Variants in ZBP1 observed in about 807,000 individuals in gnomAD.
ZBP1 encodes Z-DNA binding protein 1.
Under a neutral mutation model 41.1 loss-of-function variants are expected in ZBP1, and 42 were observed. That is an observed-to-expected ratio of 1.02 (90% CI 0.80 to 1.32). ZBP1 has a LOEUF of 1.32. Ranked by LOEUF, ZBP1 falls within the 40% of genes most tolerant of loss-of-function variation. The probability of loss-of-function intolerance (pLI) is 0.00; values close to 1 mark genes in which losing one functional copy is unlikely to be tolerated. For synonymous variants in ZBP1, 214 were observed against 205.2 expected (o/e 1.04, Z -0.37); for missense variants, 562 against 549.7 (o/e 1.02, Z -0.22).
chr20:57,615,817 T>A, intron 2 of ZBP1: 1 of 554,086 alleles, frequency 1.8e-6, no homozygotes. Flanking sequence ...GTGTGAGGGC[T>A]GGGTGAACCC....
Position 57,616,382 on chromosome 20 carries a change from G to A in ZBP1, c.121C>T (p.Pro41Ser). The change falls in exon 2 of 8, where the codon CCC (proline) becomes TCC (serine). Residue 41 changes from proline to serine, a missense_variant. Physicochemically the swap from Pro to Ser is moderately conservative, Grantham distance 74. Transcript: ENST00000371173. ...AGGACTTGGTTGAGCTCCCTCTTGGGTGCTTGGCATTCCTTCACCAGCTGG... is the reference window on the plus strand; with the variant it reads ...AGGACTTGGTTGAGCTCCCTCTTGGATGCTTGGCATTCCTTCACCAGCTGG... ...LAQLVKECQA[P>S]KRELNQVLYR... is the part of the protein sequence containing the mutation. The A allele has an allele frequency of 1.2e-6, 2 of 1,614,152 alleles. No individual in the cohort carries two copies. Among genetic ancestry groups the A allele is most frequent in the East Asian group, 2.2e-5 (1 of 44,880 alleles).
intron 2 of ZBP1, 149 bp from the exon 3 acceptor site, chr20:57,615,729 T>C: frequency 1.6e-6 from 1 of 629,096 alleles, no homozygotes; most frequent in Non-Finnish European, 2.6e-6. Context: ...TGACTTCAAA[T>C]CCTGCCTGCG....
chr20:57,615,031 T>G lies in ZBP1; in HGVS notation c.358A>C (p.Asn120His), dbSNP rs372297434. The change falls in exon 4 of 8, where the codon AAT becomes CAT. Residue 120 changes from asparagine to histidine, a missense_variant. Coordinates refer to ENST00000371173, the MANE Select transcript of ZBP1 (RefSeq NM_030776.3). ...EEDIYRFLKD[N>H]GPQRALVIAQ... The stretch of plus-strand genomic sequence containing the variant: ...ATGACCAGGGCCCTCTGGGGACCAT[T>G]GTCTTTGAGAAACCTGTAGATGTCT... 7.4e-6 allele frequency: 12 copies of G among 1,614,202 alleles called. No homozygotes were observed. The highest frequency in any genetic ancestry group is 1.6e-4 in the Middle Eastern group (1 of 6,062).
rs139984961 is a variant in ZBP1, at chr20:57,614,729, C to A, written c.502+158G>T. 4.6e-5 allele frequency among the ~76,000 whole-genome samples: 7 copies of A among 152,330 alleles called. No homozygotes were observed. The East Asian group carries it at 1.2e-3, about 25-fold the overall frequency. On this transcript the variant is annotated intron_variant, in intron 4 of 7. Coordinates refer to ENST00000371173, the MANE Select transcript of ZBP1 (RefSeq NM_030776.3). ...GTCCCTGGTTAATCTTGCCAGCACA[C>A]CCCTTCCTCCTGGAAGCCCTTGCAG...
At position 57,620,272 on chromosome 20, in the gene ZBP1, C is replaced by G. The variant is rs545181109; in HGVS notation, c.24G>C (p.Pro8=). Residue 8 remains proline (P), a synonymous_variant, in exon 1 of 8, where the codon CCG becomes CCC. Transcript: ENST00000371173. ...GAAGAAGTACTGTACCTTCTCTGCC[C>G]GGGTCAGCAGGAGCCTGGGCCATGC... MAQAPAD[P]GREGHLEQRI... 7 of 1,595,752 alleles carry G rather than the reference C, an allele frequency of 4.4e-6. No individual in the cohort carries two copies. In the South Asian group the frequency reaches 5.7e-5, roughly 13 times the overall value.
chr20:57,606,055 A>G (rs1199862400), intron 7 of ZBP1, among the ~76,000 whole-genome samples: 1 of 152,258 alleles, frequency 6.6e-6, no homozygotes, highest in African/African-American at 2.4e-5. Flanking sequence ...TTGGTGAGGG[A>G]GGCATGTCCA....
At chr20:57,614,320 C>T (rs773953814) in intron 4 of ZBP1, among the ~76,000 whole-genome samples, 6 of 152,130 alleles carry the variant, frequency 3.9e-5, no homozygotes, top group East Asian at 1.9e-4. Flanking sequence ...CGTGAGCAAC[C>T]GTGCCTGGCC....
At chr20:57,614,827 A>G in intron 4 of ZBP1, 60 bp downstream of exon 4, 1 of 1,597,606 alleles carries the variant, frequency 6.3e-7, no homozygotes, top group Non-Finnish European at 8.5e-7. Context: ...CCCAGCAAAG[A>G]CCAAGCACTA....
rs555979869 is a variant in ZBP1 at position 57,605,185 on chromosome 20, G to A, written c.1094-416C>T. On this transcript the variant is annotated intron_variant, in intron 7 of 7. Coordinates refer to ENST00000371173, the MANE Select transcript of ZBP1 (RefSeq NM_030776.3). ...CACATCTCAGGATAAGGTCCCGCCCGCCACTCAAGGAGGAAGTGACAGGCA... is the reference window on the plus strand; with the variant it reads ...CACATCTCAGGATAAGGTCCCGCCCACCACTCAAGGAGGAAGTGACAGGCA... 3.9e-5 allele frequency among the ~76,000 whole-genome samples: 6 copies of A among 152,266 alleles called. No homozygotes were observed. In the East Asian group the frequency reaches 5.8e-4, roughly 15 times the overall value.
At chr20:57,611,027 G>C (rs2146570981) in intron 6 of ZBP1, among the ~76,000 whole-genome samples, 1 of 152,238 alleles carries the variant, frequency 6.6e-6, no homozygotes, top group East Asian at 1.9e-4. Flanking sequence ...TGCATTCCCA[G>C]TGTGGGGGAG....
In ZBP1 at chr20:57,613,650, C is replaced by T. The variant is rs1438919548; in HGVS notation, c.503-320G>A. On this transcript the variant is annotated intron_variant, in intron 4 of 7. Coordinates refer to ENST00000371173, the MANE Select transcript of ZBP1 (RefSeq NM_030776.3). The surrounding 1 kb of genome is among the most constrained non-coding windows in gnomAD (Gnocchi z 4.5). ...CTCTCCCTAGGGGGCAGCCACAGCCCGGACCCCCGAGCACCTGCACCATTG... is the reference window on the plus strand; with the variant it reads ...CTCTCCCTAGGGGGCAGCCACAGCCTGGACCCCCGAGCACCTGCACCATTG... Among the ~76,000 whole-genome samples, 4 of 152,196 alleles carry T rather than the reference C, an allele frequency of 2.6e-5. No individual in the cohort carries two copies. Among genetic ancestry groups the T allele is most frequent in the Admixed American group, 1.3e-4 (2 of 15,288 alleles).
At chr20:57,605,271 G>A (rs2146551872) in intron 7 of ZBP1, among the ~76,000 whole-genome samples, 1 of 152,262 alleles carries the variant, frequency 6.6e-6, no homozygotes, top group South Asian at 2.1e-4. Context: ...CATAGATATT[G>A]CACTCATTTT....
Position 57,615,029 on chromosome 20 carries a change from A to G in ZBP1, c.360T>C (p.Asn120=). ...EEDIYRFLKD[N]GPQRALVIAQ... is the part of the protein sequence containing the mutation. ...CGATGACCAGGGCCCTCTGGGGACC[A>G]TTGTCTTTGAGAAACCTGTAGATGT... is the stretch of plus-strand genomic sequence containing the variant. Residue 120 remains asparagine, a synonymous_variant, in exon 4 of 8, where the codon AAT becomes AAC. Coordinates refer to ENST00000371173, the MANE Select transcript of ZBP1 (RefSeq NM_030776.3). 1 of 1,614,152 alleles carries G rather than the reference A, an allele frequency of 6.2e-7. No individual in the cohort carries two copies. The highest frequency in any genetic ancestry group is 2.2e-5 in the East Asian group (1 of 44,878).
At chr20:57,615,710 C>T in intron 2 of ZBP1, 130 bp from the exon 3 acceptor site, 1 of 718,372 alleles carries the variant, frequency 1.4e-6, no homozygotes, top group Non-Finnish European at 2.2e-6. Context: ...CTCCAGAGTT[C>T]AACACACTTG....
In ZBP1 at chr20:57,614,927, G is replaced by A. The variant is rs143551979; in HGVS notation, c.462C>T (p.Asp154=). 1.1e-5 allele frequency: 18 copies of A among 1,614,072 alleles called. No individual in the cohort carries two copies. Among genetic ancestry groups the A allele is most frequent in the Non-Finnish European group, 1.5e-5 (18 of 1,180,048 alleles). ...LYRMKSRHLL[D]MDEQSKAWTI... is the part of the protein sequence containing the mutation. Reference sequence around the variant, plus strand: ...TCCATGCTTTGGACTGCTCATCCATGTCCAGAAGGTGCCTGCTCTTCATCC... The same window carrying A: ...TCCATGCTTTGGACTGCTCATCCATATCCAGAAGGTGCCTGCTCTTCATCC... Residue 154 remains aspartate, a synonymous_variant, in exon 4 of 8, where the codon GAC becomes GAT. Transcript: ENST00000371173.
At chr20:57,616,040 G>T (rs868789806) in intron 2 of ZBP1, 2 of 607,440 alleles carry the variant, frequency 3.3e-6, no homozygotes. Context: ...TGAGCCTGAC[G>T]CAGGGCCTCC....
chr20:57,606,953 C>G, intron 7 of ZBP1: 1 of 1,177,888 alleles, frequency 8.5e-7, no homozygotes, highest in Non-Finnish European at 1.1e-6. Flanking sequence ...TGTTCATCCA[C>G]GGGCTCTGAT....
intron 7 of ZBP1, 55 bp from the exon 8 acceptor site, chr20:57,604,824 C>A: frequency 6.6e-7 from 1 of 1,511,108 alleles, no homozygotes. Context: ...TGGGCATTTC[C>A]ACAGGGACCC....
At chr20:57,607,377 T>G in intron 7 of ZBP1, 2 of 1,223,120 alleles carry the variant, frequency 1.6e-6, no homozygotes, top group Non-Finnish European at 2.1e-6. Flanking sequence ...TGCTGCAATC[T>G]CATGAGAAAG....
Sources: allele counts gnomAD v4.1 joint callset (sites outside exome capture counted in the v4.1 genomes callset), GRCh38; gene constraint gnomAD v4.1.1; non-coding constraint Gnocchi (gnomAD v3.1); transcripts MANE v1.5; gene names NCBI Gene and HGNC (gene_info 2026-07-23, HGNC 2026-07-21).